The following INTS9 variants were observed in gnomAD, a reference collection of about 807,000 sequenced individuals.
The protein encoded by INTS9 is integrator complex subunit 9.
A neutral mutation model predicts 79.7 loss-of-function variants in INTS9; 55 were observed. That is an observed-to-expected ratio of 0.69 (90% CI 0.56 to 0.86). The LOEUF (loss-of-function observed/expected upper bound fraction) is 0.86, where lower values mean the gene tolerates loss of function less well. INTS9 is among the 40% of genes least tolerant of loss of function. The pLI, the probability that INTS9 is intolerant of heterozygous loss-of-function variation, is 0.00. For synonymous variants in INTS9, 319 were observed against 325.2 expected (o/e 0.98, Z 0.20); for missense variants, 721 against 831.5 (o/e 0.87, Z 1.64).
chr8:28,794,447 C>T (rs1804085993), intron 9 of INTS9, among the ~76,000 whole-genome samples: 1 of 152,074 alleles, frequency 6.6e-6, no homozygotes, highest in Non-Finnish European at 1.5e-5. Context: ...CAGGAAAATC[C>T]CCTATACTTT....
At chr8:28,856,922 C>T in intron 2 of INTS9, among the ~76,000 whole-genome samples, 1 of 152,060 alleles carries the variant, frequency 6.6e-6, no homozygotes, top group East Asian at 1.9e-4. Flanking sequence ...ATCTTTATGT[C>T]CACGTGAACC....
At chr8:28,804,635 A>G (rs1043309333) in intron 8 of INTS9, among the ~76,000 whole-genome samples, 2 of 152,210 alleles carry the variant, frequency 1.3e-5, no homozygotes, top group Admixed American at 1.3e-4. Context: ...AGGGTCCCTG[A>G]GGGTCAAGCA....
Position 28,846,752 on chromosome 8 carries a change from G to T in INTS9, c.256C>A (p.Pro86Thr). 6.2e-7 allele frequency: 1 copy of T among 1,611,210 alleles called. No individual in the cohort carries two copies. Among genetic ancestry groups the T allele is most frequent in the Non-Finnish European group, 8.5e-7 (1 of 1,177,484 alleles). ...FVDSVPEFCL[P>T]ETELIDLSTV... ...AAGATTCACCTTAATCTTACCTCTG[G>T]TAAACAGAATTCCGGCACAGAATCC... The change falls in exon 4 of 17, where the codon CCA becomes ACA. Residue 86 changes from proline to threonine, a missense_variant. This residue lies in a region of INTS9 where 291 missense variants were observed against 307.0 expected (regional missense o/e 0.95). Coordinates refer to ENST00000521022, the MANE Select transcript of INTS9 (RefSeq NM_018250.4).
At chr8:28,880,687 G>C (rs1306187109) in intron 1 of INTS9, among the ~76,000 whole-genome samples, 1 of 146,938 alleles carries the variant, frequency 6.8e-6, no homozygotes, top group Non-Finnish European at 1.5e-5. Flanking sequence ...CCCCGTCTGG[G>C]AAGTGAGGAG....
At chr8:28,777,455 T>C (rs1318347379) in intron 13 of INTS9, among the ~76,000 whole-genome samples, 2 of 151,952 alleles carry the variant, frequency 1.3e-5, no homozygotes, top group African/African-American at 4.8e-5. Flanking sequence ...GCACTGTTTG[T>C]GGTACCAGCC....
chr8:28,774,778 C>G (rs1802771351), intron 14 of INTS9, among the ~76,000 whole-genome samples: 1 of 152,132 alleles, frequency 6.6e-6, no homozygotes, highest in Non-Finnish European at 1.5e-5. Context: ...CAAGTTGCCT[C>G]AAGAGGTGAA....
Position 28,777,455 on chromosome 8 carries a change from TG to T in INTS9, c.1395+373del, listed in dbSNP as rs1563243113. Among the ~76,000 whole-genome samples, 3 of 152,050 alleles carry T rather than the reference TG, an allele frequency of 2.0e-5. No homozygotes were observed. The South Asian group carries it at 6.2e-4, about 32-fold the overall frequency. On this transcript the variant is annotated intron_variant, in intron 13 of 16. Coordinates refer to ENST00000521022, the MANE Select transcript of INTS9 (RefSeq NM_018250.4). ...AACCCAAACCCGACAGCACTGTTTG[TG>T]GTACCAGCCTACACGTGCGACACGG...
intron 1 of INTS9, among the ~76,000 whole-genome samples, chr8:28,888,122 G>A (rs1442707596): frequency 6.6e-6 from 1 of 152,146 alleles, no homozygotes; most frequent in African/African-American, 2.4e-5. Context: ...CCTCTTTCAT[G>A]GAAGGCCCTG....
intron 6 of INTS9, among the ~76,000 whole-genome samples, chr8:28,831,288 C>T (rs1283627118): frequency 6.6e-6 from 1 of 152,156 alleles, no homozygotes; most frequent in African/African-American, 2.4e-5. Context: ...GGGAACAACA[C>T]ACACTGGGGC....
chr8:28,780,125 A>T (rs1479270669), intron 12 of INTS9, among the ~76,000 whole-genome samples: 1 of 148,312 alleles, frequency 6.7e-6, no homozygotes, highest in Non-Finnish European at 1.5e-5. Flanking sequence ...GAAGACCCTA[A>T]CCCATGGGTG....
intron 11 of INTS9, among the ~76,000 whole-genome samples, chr8:28,782,304 C>G (rs73669445): frequency 0.038 from 5,861 of 152,274 alleles, 377 homozygotes; most frequent in African/African-American, 0.13. Context: ...GTACAAGTGA[C>G]TTTCCCAACA....
chr8:28,871,354 A>G lies in INTS9; in HGVS notation c.10-11791T>C, dbSNP rs536799377. ...TTGAAAATCTTTATTATGGAATCTG[A>G]GCAAGGAATTTCTAAAATTTTAGGG... On this transcript the variant is annotated intron_variant, in intron 1 of 16. Coordinates refer to ENST00000521022, the MANE Select transcript of INTS9 (RefSeq NM_018250.4). 2.0e-3 allele frequency among the ~76,000 whole-genome samples: 306 copies of G among 152,308 alleles called. 3 individuals carry two copies. The highest frequency in any genetic ancestry group is 7.0e-3 in the African/African-American group (289 of 41,582).
chr8:28,779,928 C>T (rs55811664), intron 12 of INTS9, among the ~76,000 whole-genome samples: 1 of 152,120 alleles, frequency 6.6e-6, no homozygotes, highest in Non-Finnish European at 1.5e-5. Flanking sequence ...GTGCCGGGTT[C>T]TGTGCCTGGT....
chr8:28,828,198 ACAGTGACAACTAAC>A (rs1265936472), intron 6 of INTS9, among the ~76,000 whole-genome samples: 3 of 152,230 alleles, frequency 2.0e-5, no homozygotes, highest in Non-Finnish European at 4.4e-5. Context: ...AGTCTGAGTG[ACAGTGACAACTAAC>A]TACAGGTAAC....
At chr8:28,786,939 G>C (rs574757888) in intron 11 of INTS9, among the ~76,000 whole-genome samples, 12 of 151,974 alleles carry the variant, frequency 7.9e-5, no homozygotes, top group East Asian at 5.9e-4. Flanking sequence ...GGATGGTCTC[G>C]ATCTCCTGAC....
intron 13 of INTS9, among the ~76,000 whole-genome samples, chr8:28,777,265 C>G (rs1467560470): frequency 1.3e-5 from 2 of 152,166 alleles, no homozygotes; most frequent in Admixed American, 1.3e-4. Context: ...TCCCGACTCT[C>G]AAGAGCCAGA....
intron 6 of INTS9, among the ~76,000 whole-genome samples, chr8:28,824,752 C>T (rs954196200): frequency 5.9e-5 from 9 of 152,184 alleles, no homozygotes; most frequent in African/African-American, 2.2e-4. Flanking sequence ...CTCTCAGAGG[C>T]ACTAGGAAAT....
chr8:28,861,521 T>C (rs1289949386), intron 1 of INTS9, among the ~76,000 whole-genome samples: 1 of 152,224 alleles, frequency 6.6e-6, no homozygotes, highest in Non-Finnish European at 1.5e-5. Flanking sequence ...GGGAAGATTA[T>C]TGTCCGATTT....
chr8:28,853,356 T>C (rs151188762), intron 2 of INTS9, among the ~76,000 whole-genome samples: 2 of 148,872 alleles, frequency 1.3e-5, no homozygotes, highest in Non-Finnish European at 3.0e-5. Context: ...AGGGTTGCAG[T>C]GAGCCAAGAT....
Sources: allele counts gnomAD v4.1 joint callset (sites outside exome capture counted in the v4.1 genomes callset), GRCh38; gene constraint gnomAD v4.1.1; regional missense constraint gnomAD v4.1.1; transcripts MANE v1.5; gene names NCBI Gene and HGNC (gene_info 2026-07-23, HGNC 2026-07-21).